Variants in MACF1 observed in about 807,000 individuals in gnomAD.
MACF1 encodes the protein microtubule actin crosslinking factor 1.
MACF1 carries 193 observed loss-of-function variants against 854.8 expected under a neutral mutation model. The ratio of observed to expected loss-of-function variants is 0.23; its 90% CI spans 0.20 to 0.25. MACF1 has a LOEUF of 0.25. Ranked by LOEUF, MACF1 falls within the 10% of genes least tolerant of loss-of-function variation. The probability of loss-of-function intolerance (pLI) is 1.00; values close to 1 mark genes in which losing one functional copy is unlikely to be tolerated. For missense variants in MACF1, 7,722 were observed against 8,929.1 expected (o/e 0.86, Z 5.45); for synonymous variants, 3,185 against 3,226.7 (o/e 0.99, Z 0.44).
intron 23 of MACF1, among the ~76,000 whole-genome samples, chr1:39,307,901 C>CTTTCTTTTTT (rs1222230255): frequency 2.4e-4 from 12 of 50,408 alleles, no homozygotes; most frequent in Non-Finnish European, 3.2e-4. Flanking sequence ...TTCTTTCTTT[C>CTTTCTTTTTT]TTTTTTTTTT....
intron 1 of MACF1, among the ~76,000 whole-genome samples, chr1:39,212,050 TGTTTCTGTAA>T (rs1365755665): frequency 7.0e-6 from 1 of 142,832 alleles, no homozygotes; most frequent in Non-Finnish European, 1.5e-5. Context: ...CAATTTTCTT[TGTTTCTGTAA>T]GAAAGCCAGT....
At chr1:39,146,278 A>T (rs1643461738) in intron 2 of MACF1, among the ~76,000 whole-genome samples, 1 of 152,096 alleles carries the variant, frequency 6.6e-6, no homozygotes, top group South Asian at 2.1e-4. Context: ...CCCCATCTCT[A>T]CTAAAAATAC....
intron 1 of MACF1, among the ~76,000 whole-genome samples, chr1:39,216,497 A>G (rs1211094868): frequency 6.6e-6 from 1 of 152,192 alleles, no homozygotes. Flanking sequence ...TGAAGTAACT[A>G]GTTGTTTGAT....
Position 39,293,525 on chromosome 1 carries a change from A to G in MACF1, c.2060A>G (p.Glu687Gly). 1 of 1,614,010 alleles carries G rather than the reference A, an allele frequency of 6.2e-7. No individual in the cohort carries two copies. Among genetic ancestry groups the G allele is most frequent in the Non-Finnish European group, 8.5e-7 (1 of 1,179,900 alleles). Residue 687 changes from glutamate (E) to glycine (G), a missense_variant, in exon 18 of 101, where the codon GAG (glutamate) becomes GGG (glycine). Transcript: ENST00000564288. Reference sequence around the variant, plus strand: ...AAATTTGTTTCCAGAGCTACAGCTGAGTTGATCTGGTTGAATGAGAAGGAG... The same window carrying G: ...AAATTTGTTTCCAGAGCTACAGCTGGGTTGATCTGGTTGAATGAGAAGGAG... ...LHKFVSRATA[E>G]LIWLNEKEEE...
intron 2 of MACF1, among the ~76,000 whole-genome samples, chr1:39,134,067 G>T (rs1166142173): frequency 1.5e-5 from 2 of 136,624 alleles, no homozygotes; most frequent in Admixed American, 7.5e-5. Flanking sequence ...TTGAGATGGG[G>T]TCTCGCTCTG....
chr1:39,133,927 T>A (rs529946486), intron 2 of MACF1, among the ~76,000 whole-genome samples: 5 of 152,016 alleles, frequency 3.3e-5, no homozygotes, highest in Non-Finnish European at 7.4e-5. Context: ...GTTTCATTTT[T>A]GGGTTTTGTG....
intron 21 of MACF1, among the ~76,000 whole-genome samples, chr1:39,298,047 A>G (rs1168448806): frequency 6.6e-6 from 1 of 151,986 alleles, no homozygotes; most frequent in Non-Finnish European, 1.5e-5. Context: ...TTTTAATGTA[A>G]TAGTTGGAGC....
chr1:39,372,710 G>C (rs1649353356), intron 52 of MACF1, 114 bp downstream of exon 52: 8 of 757,342 alleles, frequency 1.1e-5, no homozygotes, highest in Admixed American at 4.4e-5. Context: ...TGAAAACAAA[G>C]GGCATGCCCA....
intron 6 of MACF1, among the ~76,000 whole-genome samples, chr1:39,281,331 C>T (rs556367850): frequency 3.3e-5 from 5 of 151,832 alleles, no homozygotes; most frequent in Non-Finnish European, 7.4e-5. Flanking sequence ...TACATAGGTG[C>T]GTGTGTATGC....
chr1:39,246,807 T>C (rs1412996486), intron 2 of MACF1, among the ~76,000 whole-genome samples: 1 of 152,012 alleles, frequency 6.6e-6, no homozygotes, highest in African/African-American at 2.4e-5. Context: ...GGAGGGGTTT[T>C]GAAATCTTGG....
intron 48 of MACF1, 95 bp downstream of exon 48, chr1:39,361,096 T>C (rs1648150096): frequency 5.0e-6 from 5 of 1,008,196 alleles, no homozygotes; most frequent in Admixed American, 2.3e-5. Flanking sequence ...GAACCTAATA[T>C]CTGTGAATCA....
rs753296538 is a variant in MACF1 at position 39,337,226 on chromosome 1, A to G, written c.10110A>G (p.Leu3370=). The change falls in exon 38 of 101, where the codon CTA becomes CTG. Residue 3370 remains leucine, a synonymous_variant. Coordinates refer to ENST00000564288, the MANE Select transcript of MACF1 (RefSeq NM_001394062.1). ...RQLCLEHDEK[L]VSYLSLLRNI... ...TCTGTTTAGAACATGATGAAAAGCTAGTATCCTATCTGTCTCTGTTACGGA... is the reference window on the plus strand; with the variant it reads ...TCTGTTTAGAACATGATGAAAAGCTGGTATCCTATCTGTCTCTGTTACGGA... The G allele has an allele frequency of 2.3e-5, 37 of 1,614,062 alleles. 1 individual carries two copies. The South Asian group carries it at 4.1e-4, about 18-fold the overall frequency.
chr1:39,413,064 T>A (rs1451194841), intron 58 of MACF1: 1 of 1,597,008 alleles, frequency 6.3e-7, no homozygotes, highest in Non-Finnish European at 8.5e-7. Flanking sequence ...AGGAGACTGC[T>A]CCAGCTGTTG....
At chr1:39,424,927 C>G (rs1215409666) in intron 61 of MACF1, among the ~76,000 whole-genome samples, 6 of 152,138 alleles carry the variant, frequency 3.9e-5, no homozygotes, top group African/African-American at 1.4e-4. Context: ...AAATAATTCC[C>G]TCTTCAGTCT....
At chr1:39,305,517 C>T (rs1001911676) in intron 23 of MACF1, among the ~76,000 whole-genome samples, 1 of 152,144 alleles carries the variant, frequency 6.6e-6, no homozygotes, top group African/African-American at 2.4e-5. Context: ...CTATTAACTT[C>T]TTACTCTAGG....
chr1:39,422,994 T>C lies in MACF1; in HGVS notation c.16149+94T>C, dbSNP rs1346269978. 4 of 1,142,466 alleles carry C rather than the reference T, an allele frequency of 3.5e-6. No homozygotes were observed. The Admixed American group carries it at 7.4e-5, about 21-fold the overall frequency. The allele number at this position is 1,142,466 out of a possible 1,614,324, so 70.8% of individuals were successfully genotyped here. On this transcript the variant is annotated intron_variant, in intron 60 of 100. Transcript: ENST00000564288. ...AGTTTAAGAAGCAGTTCAGGAGTTT[T>C]AGTAGAATCCTAAACTACTTTGTGT...
At chr1:39,263,056 A>G (rs987248747) in intron 6 of MACF1, among the ~76,000 whole-genome samples, 2 of 142,600 alleles carry the variant, frequency 1.4e-5, no homozygotes, top group Non-Finnish European at 3.0e-5. Context: ...CTAGTCTTTC[A>G]TTATTGAGTA....
intron 93 of MACF1, among the ~76,000 whole-genome samples, chr1:39,462,547 G>A (rs370183010): frequency 0.089 from 2,427 of 27,418 alleles, 76 homozygotes; most frequent in African/African-American, 0.18. Flanking sequence ...TGTCCCCCCC[G>A]CCAAAAAAAA....
chr1:39,375,813 C>T (rs1649669381), intron 52 of MACF1, among the ~76,000 whole-genome samples: 1 of 152,138 alleles, frequency 6.6e-6, no homozygotes. Context: ...TTAATGAGGG[C>T]TTTTACACAT....
Sources: allele counts gnomAD v4.1 joint callset (sites outside exome capture counted in the v4.1 genomes callset), GRCh38; gene constraint gnomAD v4.1.1; transcripts MANE v1.5; gene names NCBI Gene and HGNC (gene_info 2026-07-23, HGNC 2026-07-21).